MRPL1: variants seen among roughly 807,000 people sequenced by gnomAD.
MRPL1 encodes large ribosomal subunit protein uL1m.
A neutral mutation model predicts 38.0 loss-of-function variants in MRPL1; 28 were observed. The ratio of observed to expected loss-of-function variants is 0.74; its 90% CI spans 0.55 to 1.01. The LOEUF (loss-of-function observed/expected upper bound fraction) is 1.01, where lower values mean the gene tolerates loss of function less well. Among genes scored for constraint, MRPL1 ranks in the 50% least tolerant of loss-of-function variants. The pLI, the probability that MRPL1 is intolerant of heterozygous loss-of-function variation, is 0.00. For missense variants in MRPL1, 358 were observed against 389.8 expected (o/e 0.92, Z 0.69); for synonymous variants, 123 against 126.7 (o/e 0.97, Z 0.20).
chr4:77,937,511 C>T (rs955405133), intron 7 of MRPL1, among the ~76,000 whole-genome samples: 2 of 152,216 alleles, frequency 1.3e-5, no homozygotes, highest in Non-Finnish European at 2.9e-5. Context: ...TACTTCCCCG[C>T]CCATATTTGT....
intron 7 of MRPL1, among the ~76,000 whole-genome samples, chr4:77,910,428 A>G (rs1459252499): frequency 6.6e-6 from 1 of 152,188 alleles, no homozygotes; most frequent in Non-Finnish European, 1.5e-5. Context: ...ATATAGAAAA[A>G]GCTGAGTGAC....
rs762207603 is a variant in MRPL1 at position 77,952,649 on chromosome 4, A to C, written c.*42A>C. The C allele has an allele frequency of 8.1e-7, 1 of 1,237,172 alleles. No individual in the cohort carries two copies. Among genetic ancestry groups the C allele is most frequent in the Non-Finnish European group, 1.2e-6 (1 of 848,712 alleles). 76.6% of individuals were successfully genotyped at this position (1,237,172 alleles called of 1,614,324 possible). On this transcript the variant is annotated 3_prime_UTR_variant, in exon 9 of 9. Coordinates refer to ENST00000315567, the MANE Select transcript of MRPL1 (RefSeq NM_020236.4). Reference sequence around the variant, plus strand: ...AATTACTTTCAGTGGTTTAAGAAGCAATGGAGAAAATGATAATACAGCATA... The same window carrying C: ...AATTACTTTCAGTGGTTTAAGAAGCCATGGAGAAAATGATAATACAGCATA...
chr4:77,940,678 G>T (rs1273329620), intron 7 of MRPL1, among the ~76,000 whole-genome samples: 2 of 152,060 alleles, frequency 1.3e-5, no homozygotes, highest in South Asian at 2.1e-4. Flanking sequence ...GTTGGCTGTG[G>T]GTTTGTCATC....
intron 7 of MRPL1, among the ~76,000 whole-genome samples, chr4:77,927,195 A>C (rs1736734168): frequency 6.6e-6 from 1 of 152,214 alleles, no homozygotes; most frequent in Admixed American, 6.5e-5. Flanking sequence ...AATGACATGC[A>C]ACCTAATTAA....
rs553172253 is a variant in MRPL1, at chr4:77,909,749, T to C, written c.777+377T>C. ...TGAGCACATAGTAGGTGTTCAATAC[T>C]ACTTTAGTGGAATTGAGTAATTTGC... is the stretch of plus-strand genomic sequence containing the variant. On this transcript the variant is annotated intron_variant, in intron 7 of 8. Transcript: ENST00000315567. Among the ~76,000 whole-genome samples the C allele has an allele frequency of 5.3e-5, 8 of 152,330 alleles. No individual in the cohort carries two copies. In the South Asian group the frequency reaches 1.7e-3, roughly 32 times the overall value.
intron 7 of MRPL1, among the ~76,000 whole-genome samples, chr4:77,921,439 C>T (rs1287453843): frequency 1.3e-5 from 2 of 152,012 alleles, no homozygotes; most frequent in Non-Finnish European, 2.9e-5. Flanking sequence ...TGAATAGAGA[C>T]TGAATGAAAT....
intron 6 of MRPL1, among the ~76,000 whole-genome samples, chr4:77,901,283 A>C (rs1736028884): frequency 6.6e-6 from 1 of 152,196 alleles, no homozygotes; most frequent in South Asian, 2.1e-4. Flanking sequence ...AAAACTATAA[A>C]TAGAGGAATA....
chr4:77,927,281 T>C (rs1177426387), intron 7 of MRPL1, among the ~76,000 whole-genome samples: 2 of 152,204 alleles, frequency 1.3e-5, no homozygotes, highest in Admixed American at 6.5e-5. Context: ...AATTAACAAA[T>C]TGTTGTTTTA....
chr4:77,909,148 A>T, intron 6 of MRPL1, 118 bp from the exon 7 acceptor site: 1 of 719,942 alleles, frequency 1.4e-6, no homozygotes. Flanking sequence ...TTTGGAACTA[A>T]AGTTTATCTG....
chr4:77,889,506 C>T (rs28891692), intron 5 of MRPL1, among the ~76,000 whole-genome samples: 21,380 of 152,112 alleles, frequency 0.14, 1,729 homozygotes, highest in South Asian at 0.2. Flanking sequence ...ATTTATAGCA[C>T]TAAATGCCCA....
intron 7 of MRPL1, among the ~76,000 whole-genome samples, chr4:77,948,757 ATCTTCT>A (rs1348843185): frequency 6.7e-6 from 1 of 149,810 alleles, no homozygotes; most frequent in African/African-American, 2.5e-5. Context: ...TTTTATATGA[ATCTTCT>A]TCTTCTTCTT....
rs377357429 is a variant in MRPL1 at position 77,886,608 on chromosome 4, C to T, written c.487-612C>T. ...TTGGCCTCTCAAAGTGCTGAGATTACAGGCGTGAGCCACCATACCCAGCCT... is the reference window on the plus strand; with the variant it reads ...TTGGCCTCTCAAAGTGCTGAGATTATAGGCGTGAGCCACCATACCCAGCCT... On this transcript the variant is annotated intron_variant, in intron 4 of 8. Coordinates refer to ENST00000315567, the MANE Select transcript of MRPL1 (RefSeq NM_020236.4). Among the ~76,000 whole-genome samples, 31 of 152,022 alleles carry T rather than the reference C, an allele frequency of 2.0e-4. No homozygotes were observed. The East Asian group carries it at 4.7e-3, about 23-fold the overall frequency.
intron 7 of MRPL1, among the ~76,000 whole-genome samples, chr4:77,916,113 T>C (rs1736418373): frequency 6.6e-6 from 1 of 152,198 alleles, no homozygotes; most frequent in South Asian, 2.1e-4. Context: ...TCTCAAAAAA[T>C]GAATTTGAGA....
intron 7 of MRPL1, among the ~76,000 whole-genome samples, chr4:77,948,524 A>C (rs141630587): frequency 6.6e-6 from 1 of 152,214 alleles, no homozygotes; most frequent in Non-Finnish European, 1.5e-5. Context: ...TTCCTGCAGT[A>C]ATGTCCAACC....
intron 7 of MRPL1, among the ~76,000 whole-genome samples, chr4:77,920,381 T>C (rs750307473): frequency 3.9e-5 from 6 of 152,200 alleles, no homozygotes; most frequent in Non-Finnish European, 7.4e-5. Context: ...TCTTAGAACA[T>C]TGGAGACTCC....
intron 7 of MRPL1, among the ~76,000 whole-genome samples, chr4:77,913,596 A>G (rs1425633968): frequency 6.6e-6 from 1 of 152,212 alleles, no homozygotes; most frequent in African/African-American, 2.4e-5. Context: ...AGTTTCTTAA[A>G]GTTGCACATC....
At chr4:77,892,981 G>GATGA (rs1735837775) in intron 5 of MRPL1, among the ~76,000 whole-genome samples, 1 of 151,598 alleles carries the variant, frequency 6.6e-6, no homozygotes, top group Non-Finnish European at 1.5e-5. Context: ...GTTAAGGAGA[G>GATGA]GTATGTTATT....
chr4:77,896,381 G>C (rs757178992), intron 6 of MRPL1, among the ~76,000 whole-genome samples: 1 of 152,050 alleles, frequency 6.6e-6, no homozygotes, highest in Admixed American at 6.5e-5. Context: ...TAGGCACCTT[G>C]AGTGAAGAGA....
chr4:77,887,810 C>T (rs1735717930), intron 5 of MRPL1, among the ~76,000 whole-genome samples: 1 of 152,144 alleles, frequency 6.6e-6, no homozygotes, highest in African/African-American at 2.4e-5. Context: ...TGAGCCACCA[C>T]ACCCAACCTC....
Sources: gnomAD v4.1 joint callset for allele counts (sites outside exome capture counted in the v4.1 genomes callset) on GRCh38, gnomAD v4.1.1 for gene constraint, MANE v1.5 for transcripts, NCBI Gene and HGNC (gene_info 2026-07-23, HGNC 2026-07-21) for gene names.